NRG1: variants seen among roughly 807,000 people sequenced by gnomAD.
NRG1 encodes the protein neuregulin 1, also known as pro-neuregulin-1, membrane-bound isoform.
A neutral mutation model predicts 63.8 loss-of-function variants in NRG1; 18 were observed. The ratio of observed to expected loss-of-function variants is 0.28; its 90% confidence interval spans 0.19 to 0.42. The LOEUF (loss-of-function observed/expected upper bound fraction) is 0.42. Ranked by LOEUF, NRG1 falls within the 10% of genes least tolerant of loss-of-function variation. The probability of loss-of-function intolerance (pLI) is 1.00; values close to 1 mark genes in which losing one functional copy is unlikely to be tolerated. For missense variants in NRG1, 762 were observed against 814.7 expected (o/e 0.94, Z 0.79); for synonymous variants, 302 against 301.3 (o/e 1.00, Z -0.02).
chr8:32,153,738 A>G (rs1480914759), intron 1 of NRG1, among the ~76,000 whole-genome samples: 1 of 152,224 alleles, frequency 6.6e-6, no homozygotes, highest in Non-Finnish European at 1.5e-5. Context: ...TGGCAAGGTT[A>G]GAAAACTTGA....
At chr8:32,556,051 A>G (rs36213870) in intron 1 of NRG1, among the ~76,000 whole-genome samples, 13 of 152,212 alleles carry the variant, frequency 8.5e-5, no homozygotes, top group Non-Finnish European at 1.6e-4. Flanking sequence ...TTTACTTTCA[A>G]TGATATGAGA....
At chr8:32,196,057 CT>C (rs1209969055) in intron 1 of NRG1, among the ~76,000 whole-genome samples, 1 of 151,572 alleles carries the variant, frequency 6.6e-6, no homozygotes, top group African/African-American at 2.4e-5. Flanking sequence ...TAGTAAATTA[CT>C]TTTGTACTAA....
At chr8:31,929,237 A>G (rs893275484) in intron 1 of NRG1, among the ~76,000 whole-genome samples, 1 of 152,204 alleles carries the variant, frequency 6.6e-6, no homozygotes. Flanking sequence ...AGGTTAAAAC[A>G]TGTTATTTTA....
At chr8:31,770,954 A>G (rs146219285) in intron 1 of NRG1, among the ~76,000 whole-genome samples, 202 of 152,220 alleles carry the variant, frequency 1.3e-3, no homozygotes, top group African/African-American at 4.7e-3. Context: ...CAGGAAATCA[A>G]CATTGGTAAA....
intron 1 of NRG1, among the ~76,000 whole-genome samples, chr8:32,093,185 C>T (rs188434078): frequency 2.6e-5 from 4 of 152,260 alleles, no homozygotes; most frequent in African/African-American, 4.8e-5. Flanking sequence ...TAGCCCCAAC[C>T]GTGTGCTCGC....
At chr8:32,164,683 C>T (rs547191374) in intron 1 of NRG1, among the ~76,000 whole-genome samples, 2 of 152,308 alleles carry the variant, frequency 1.3e-5, no homozygotes, top group African/African-American at 4.8e-5. Context: ...ATACTCACAA[C>T]ATAAGTTGGA....
chr8:32,547,340 A>G (rs1017354288), upstream of NRG1, among the ~76,000 whole-genome samples: 34 of 152,258 alleles, frequency 2.2e-4, no homozygotes, highest in African/African-American at 7.5e-4. Context: ...CCCCACATTC[A>G]CGAATTAAGG....
chr8:32,107,519 G>C (rs566283291), intron 1 of NRG1, among the ~76,000 whole-genome samples: 1 of 152,240 alleles, frequency 6.6e-6, no homozygotes, highest in East Asian at 1.9e-4. Context: ...TTTGGCTCCA[G>C]CTGCTCTAAA....
At chr8:31,830,757 A>G (rs1483389302) in intron 1 of NRG1, among the ~76,000 whole-genome samples, 1 of 151,518 alleles carries the variant, frequency 6.6e-6, no homozygotes, top group African/African-American at 2.4e-5. Context: ...TTCCTCCCTT[A>G]GTCTGTGGGG....
chr8:31,852,696 C>T (rs1292739013), intron 1 of NRG1, among the ~76,000 whole-genome samples: 5 of 152,094 alleles, frequency 3.3e-5, no homozygotes, highest in African/African-American at 4.8e-5. Flanking sequence ...TGCCTATGTC[C>T]TGAATGGTAA....
intron 1 of NRG1, among the ~76,000 whole-genome samples, chr8:31,836,396 A>G (rs892215489): frequency 2.6e-5 from 4 of 152,120 alleles, no homozygotes; most frequent in Non-Finnish European, 2.9e-5. Context: ...AAGAGTTGAA[A>G]GTAAAGTTTT....
At chr8:31,800,980 A>G (rs981072871) in intron 1 of NRG1, among the ~76,000 whole-genome samples, 2 of 150,092 alleles carry the variant, frequency 1.3e-5, no homozygotes, top group Non-Finnish European at 3.0e-5. Context: ...AGCTGGGACT[A>G]CAGGCACCTG....
chr8:32,128,413 T>C (rs1359829296), intron 1 of NRG1, among the ~76,000 whole-genome samples: 2 of 151,992 alleles, frequency 1.3e-5, no homozygotes, highest in Non-Finnish European at 2.9e-5. Context: ...TCCAGTTTCA[T>C]TGTCAACCAG....
At chr8:32,356,477 C>T (rs1223349479) in intron 1 of NRG1, among the ~76,000 whole-genome samples, 1 of 118,988 alleles carries the variant, frequency 8.4e-6, no homozygotes, top group African/African-American at 3.2e-5. Context: ...TGTTGGGACC[C>T]CCCCCCCACC....
At chr8:32,314,480 G>T (rs569627719) in intron 1 of NRG1, among the ~76,000 whole-genome samples, 1 of 152,104 alleles carries the variant, frequency 6.6e-6, no homozygotes, top group African/African-American at 2.4e-5. Context: ...TACCCTCCTC[G>T]GTTGGCTCCA....
intron 1 of NRG1, among the ~76,000 whole-genome samples, chr8:32,486,374 C>T (rs575974995): frequency 1.3e-5 from 2 of 152,240 alleles, no homozygotes; most frequent in African/African-American, 4.8e-5. Context: ...GGGAAAGCTG[C>T]CCTTTAAGAA....
intron 1 of NRG1, among the ~76,000 whole-genome samples, chr8:32,419,250 C>T (rs1178292446): frequency 6.6e-6 from 1 of 152,208 alleles, no homozygotes; most frequent in Non-Finnish European, 1.5e-5. Flanking sequence ...ACTTTAACCA[C>T]AGGGGACATA....
intron 1 of NRG1, among the ~76,000 whole-genome samples, chr8:31,777,710 A>G (rs1181450911): frequency 6.6e-6 from 1 of 152,206 alleles, no homozygotes; most frequent in African/African-American, 2.4e-5. Context: ...GCTTCCACCC[A>G]TGGCAGAAGG....
chr8:32,743,250 C>G (rs1826761815), intron 7 of NRG1: 1 of 983,326 alleles, frequency 1.0e-6, no homozygotes, highest in Non-Finnish European at 1.2e-6. Flanking sequence ...CTTCATTAAC[C>G]AAACAGTTTG....
Sources: allele counts gnomAD v4.1 joint callset (sites outside exome capture counted in the v4.1 genomes callset), GRCh38; gene constraint gnomAD v4.1.1; transcripts MANE v1.5; gene names NCBI Gene and HGNC (gene_info 2026-07-23, HGNC 2026-07-21).